AFG3L2: variants seen among roughly 807,000 people sequenced by gnomAD.
AFG3L2 encodes the protein mitochondrial inner membrane m-AAA protease component AFG3L2.
In AFG3L2, 54 loss-of-function variants were observed where a neutral mutation model predicts 94.5. The ratio of observed to expected loss-of-function variants is 0.57; its 90% confidence interval spans 0.46 to 0.72. AFG3L2 has a LOEUF of 0.72. Among genes scored for constraint, AFG3L2 ranks in the 30% least tolerant of loss-of-function variants. AFG3L2 has a pLI of 0.00. For missense variants in AFG3L2, 754 were observed against 994.9 expected, an observed-to-expected ratio of 0.76 and a Z score of 3.26; for synonymous variants, 377 against 365.5, an observed-to-expected ratio of 1.03 and a Z score of -0.36.
chr18:12,372,179 C>T (rs1909013024), intron 1 of AFG3L2, among the ~76,000 whole-genome samples: 1 of 152,154 alleles, frequency 6.6e-6, no homozygotes, highest in Non-Finnish European at 1.5e-5. Context: ...TGGCAGGTGC[C>T]TGTAATCCTA....
Position 12,353,127 on chromosome 18 carries a change from T to C in AFG3L2, c.1196A>G (p.Asn399Ser). The change falls in exon 10 of 17, where the codon AAT (asparagine) becomes AGT (serine). Residue 399 changes from asparagine (N) to serine (S), a missense_variant. By Grantham distance (46) the Asn-to-Ser change is conservative. Transcript: ENST00000269143. Reference sequence around the variant, plus strand: ...ATCGATGAAGAGGATGCAAGGGGCATTCTTCCGAGCAAGGGCAAATAAGTC... The same window carrying C: ...ATCGATGAAGAGGATGCAAGGGGCACTCTTCCGAGCAAGGGCAAATAAGTC... ...VRDLFALARK[N>S]APCILFIDEI... 1.2e-6 allele frequency: 2 copies of C among 1,614,158 alleles called. No individual in the cohort carries two copies. The highest frequency in any genetic ancestry group is 1.7e-6 in the Non-Finnish European group (2 of 1,180,022).
intron 9 of AFG3L2, among the ~76,000 whole-genome samples, chr18:12,355,546 A>T (rs2143181017): frequency 6.6e-6 from 1 of 152,366 alleles, no homozygotes; most frequent in South Asian, 2.1e-4. Context: ...TGGAGTTACC[A>T]TTCAAAAACA....
At chr18:12,348,432 G>T in intron 12 of AFG3L2, 49 bp from the exon 13 acceptor site, 1 of 1,431,674 alleles carries the variant, frequency 7.0e-7, no homozygotes, top group South Asian at 1.1e-5. Flanking sequence ...CGCCCAAACT[G>T]ATCAGTCACA....
intron 2 of AFG3L2, 103 bp downstream of exon 2, chr18:12,371,489 G>C: frequency 1.1e-6 from 1 of 871,408 alleles, no homozygotes; most frequent in East Asian, 2.5e-5. Context: ...TATCTTCATC[G>C]CTGTAATCAG....
At chr18:12,350,081 G>C in intron 12 of AFG3L2, among the ~76,000 whole-genome samples, 1 of 151,438 alleles carries the variant, frequency 6.6e-6, no homozygotes, top group East Asian at 1.9e-4. Context: ...GGGTGATTTA[G>C]GCTCACTGCA....
At chr18:12,374,974 T>C (rs1909098604) in intron 1 of AFG3L2, among the ~76,000 whole-genome samples, 1 of 150,774 alleles carries the variant, frequency 6.6e-6, no homozygotes, top group African/African-American at 2.4e-5. Context: ...GAGAATTGCT[T>C]GAACCCTGGA....
At chr18:12,331,677 C>T (rs1290536844) in intron 16 of AFG3L2, among the ~76,000 whole-genome samples, 1 of 151,984 alleles carries the variant, frequency 6.6e-6, no homozygotes, top group Non-Finnish European at 1.5e-5. Context: ...GCCTGTAATC[C>T]CAGCTACTCA....
chr18:12,353,289 TG>T (rs1468533910), intron 9 of AFG3L2, 131 bp from the exon 10 acceptor site: 2 of 1,083,312 alleles, frequency 1.8e-6, no homozygotes, highest in Admixed American at 2.0e-5. Flanking sequence ...CCGAGGCTGG[TG>T]GATCACCTGA....
At chr18:12,355,504 A>G (rs985297531) in intron 9 of AFG3L2, among the ~76,000 whole-genome samples, 18 of 152,188 alleles carry the variant, frequency 1.2e-4, no homozygotes, top group African/African-American at 4.1e-4. Context: ...TAGTTTGGAA[A>G]ACAGTCTGGT....
chr18:12,344,665 A>C (rs1049147040), intron 13 of AFG3L2, among the ~76,000 whole-genome samples: 2 of 151,312 alleles, frequency 1.3e-5, no homozygotes, highest in African/African-American at 2.4e-5. Flanking sequence ...CAGAGTAAGA[A>C]TCCGTCTCAA....
At chr18:12,337,237 G>T in intron 16 of AFG3L2, 104 bp downstream of exon 16, 1 of 1,012,548 alleles carries the variant, frequency 9.9e-7, no homozygotes, top group Non-Finnish European at 1.6e-6. Context: ...GTGAGCCAGA[G>T]AGAGGGAATT....
At chr18:12,359,834 G>T in intron 7 of AFG3L2, 93 bp downstream of exon 7, 1 of 1,526,076 alleles carries the variant, frequency 6.6e-7, no homozygotes, top group Non-Finnish European at 9.0e-7. Flanking sequence ...GCCTGTTTGA[G>T]AATATAATGT....
chr18:12,359,852 T>G, intron 7 of AFG3L2, 75 bp downstream of exon 7: 2 of 1,587,084 alleles, frequency 1.3e-6, no homozygotes, highest in Non-Finnish European at 1.7e-6. Context: ...TGTATAGCCC[T>G]GCACCCAGGG....
chr18:12,349,888 C>G (rs566878007), intron 12 of AFG3L2, among the ~76,000 whole-genome samples: 18 of 152,030 alleles, frequency 1.2e-4, no homozygotes, highest in African/African-American at 4.3e-4. Context: ...TCTTGAACTC[C>G]TGACGTCAGG....
intron 8 of AFG3L2, among the ~76,000 whole-genome samples, chr18:12,357,830 C>G (rs1053532472): frequency 6.6e-6 from 1 of 152,084 alleles, no homozygotes; most frequent in African/African-American, 2.4e-5. Context: ...AACTCCTGAC[C>G]TCAGGTGATC....
At chr18:12,348,414 C>T in intron 12 of AFG3L2, 31 bp from the exon 13 acceptor site, 1 of 1,550,454 alleles carries the variant, frequency 6.4e-7, no homozygotes, top group Non-Finnish European at 8.9e-7. Flanking sequence ...AGCTTACCCA[C>T]CGAAATACGC....
chr18:12,371,944 G>A (rs1909003924), intron 1 of AFG3L2, among the ~76,000 whole-genome samples: 1 of 152,192 alleles, frequency 6.6e-6, no homozygotes, highest in African/African-American at 2.4e-5. Context: ...ATGTAGAATT[G>A]CAATCCAATT....
At chr18:12,330,311 G>A (rs1907479506) in intron 16 of AFG3L2, among the ~76,000 whole-genome samples, 1 of 147,108 alleles carries the variant, frequency 6.8e-6, no homozygotes, top group African/African-American at 2.5e-5. Context: ...GGGCGACAGA[G>A]CGAGACTCCT....
At chr18:12,346,484 G>A (rs915512733) in intron 13 of AFG3L2, among the ~76,000 whole-genome samples, 1 of 151,936 alleles carries the variant, frequency 6.6e-6, no homozygotes, top group Admixed American at 6.6e-5. Flanking sequence ...TTTTTTTTAC[G>A]GCTGTCACTG....
Sources: gnomAD v4.1 joint callset for allele counts (sites outside exome capture counted in the v4.1 genomes callset) on GRCh38, gnomAD v4.1.1 for gene constraint, MANE v1.5 for transcripts, NCBI Gene and HGNC (gene_info 2026-07-23, HGNC 2026-07-21) for gene names.